GPBP1: variants seen among roughly 807,000 people sequenced by gnomAD.
GPBP1 encodes vasculin.
Under a neutral mutation model 56.5 loss-of-function variants are expected in GPBP1, and 13 were observed. That is an observed-to-expected ratio of 0.23 (90% CI 0.15 to 0.37). GPBP1 has a LOEUF of 0.37. Among genes scored for constraint, GPBP1 ranks in the 10% least tolerant of loss-of-function variants. The probability of loss-of-function intolerance (pLI) is 1.00; values close to 1 mark genes in which losing one functional copy is unlikely to be tolerated. For missense variants in GPBP1, 477 were observed against 572.3 expected (o/e 0.83, Z 1.70); for synonymous variants, 204 against 188.9 (o/e 1.08, Z -0.66).
chr5:57,219,423 A>AAC (rs1755852175), intron 3 of GPBP1, among the ~76,000 whole-genome samples: 3 of 142,142 alleles, frequency 2.1e-5, no homozygotes, highest in African/African-American at 5.8e-5. Flanking sequence ...AACAAACAAA[A>AAC]AAAAAAACAA....
intron 3 of GPBP1, among the ~76,000 whole-genome samples, chr5:57,215,594 ATC>A (rs1755667787): frequency 6.6e-6 from 1 of 152,154 alleles, no homozygotes; most frequent in African/African-American, 2.4e-5. Flanking sequence ...CTCCTTACGT[ATC>A]TCTTTCTCAG....
intron 2 of GPBP1, among the ~76,000 whole-genome samples, chr5:57,208,913 C>T (rs1049922959): frequency 6.6e-6 from 1 of 152,210 alleles, no homozygotes; most frequent in East Asian, 1.9e-4. Flanking sequence ...CCTGGGCCTC[C>T]CAAAGTGCTG....
chr5:57,257,284 C>G (rs916383373), intron 10 of GPBP1, among the ~76,000 whole-genome samples: 1 of 152,218 alleles, frequency 6.6e-6, no homozygotes, highest in Non-Finnish European at 1.5e-5. Flanking sequence ...GATCCACCGC[C>G]TTGGCCTCCC....
intron 2 of GPBP1, among the ~76,000 whole-genome samples, chr5:57,197,954 C>T (rs774166748): frequency 7.9e-5 from 12 of 151,920 alleles, no homozygotes; most frequent in African/African-American, 2.9e-4. Context: ...TGTCAATGTT[C>T]TAGGACCCTG....
At chr5:57,182,831 A>G (rs1040438503) in intron 2 of GPBP1, among the ~76,000 whole-genome samples, 5 of 151,990 alleles carry the variant, frequency 3.3e-5, no homozygotes, top group Admixed American at 6.6e-5. Flanking sequence ...CTATAGGCGC[A>G]TGTCACCATG....
At chr5:57,219,841 T>A (rs1198204253) in intron 3 of GPBP1, among the ~76,000 whole-genome samples, 1 of 151,906 alleles carries the variant, frequency 6.6e-6, no homozygotes, top group African/African-American at 2.4e-5. Context: ...TCACCTGAGG[T>A]TGGGAGTTCG....
rs548223586 is a variant in GPBP1 at position 57,252,884 on chromosome 5, CTT to C, written c.1160+1746_1160+1747del. Among the ~76,000 whole-genome samples the C allele has an allele frequency of 2.6e-3, 391 of 151,754 alleles. 1 individual carries two copies. The highest frequency in any genetic ancestry group is 4.5e-3 in the Non-Finnish European group (303 of 67,894). On this transcript the variant is annotated intron_variant, in intron 10 of 11. Coordinates refer to ENST00000506184, the MANE Select transcript of GPBP1 (RefSeq NM_022913.4). Reference sequence around the variant, plus strand: ...GCCACCATGCCTGGCTAATTTTTGTCTTTTAGTAGAGATGGGATTTCATCATG... The same window carrying C: ...GCCACCATGCCTGGCTAATTTTTGTCTTAGTAGAGATGGGATTTCATCATG...
intron 2 of GPBP1, among the ~76,000 whole-genome samples, chr5:57,202,774 T>C: frequency 6.6e-6 from 1 of 152,308 alleles, no homozygotes; most frequent in South Asian, 2.1e-4. Context: ...ATGCCCTCTC[T>C]TATGCCTTGT....
intron 11 of GPBP1, among the ~76,000 whole-genome samples, chr5:57,261,619 T>C (rs1382742236): frequency 6.6e-6 from 1 of 152,226 alleles, no homozygotes; most frequent in Non-Finnish European, 1.5e-5. Context: ...GTGTAAGTGA[T>C]GTCTATGGAT....
chr5:57,218,114 G>C (rs946251466), intron 3 of GPBP1, among the ~76,000 whole-genome samples: 2 of 151,770 alleles, frequency 1.3e-5, no homozygotes, highest in African/African-American at 4.8e-5. Flanking sequence ...TCTCAACACA[G>C]AACACTTCTA....
At chr5:57,235,847 C>A in intron 5 of GPBP1, 119 bp from the exon 6 acceptor site, 1 of 726,600 alleles carries the variant, frequency 1.4e-6, no homozygotes, top group Non-Finnish European at 2.3e-6. Context: ...TAGGGTTATT[C>A]AACCTGTAGC....
At chr5:57,232,942 T>A (rs1756521767) in intron 5 of GPBP1, among the ~76,000 whole-genome samples, 1 of 152,166 alleles carries the variant, frequency 6.6e-6, no homozygotes, top group East Asian at 1.9e-4. Flanking sequence ...TAAAGAGTAG[T>A]TTAGTATTAG....
In GPBP1 at chr5:57,243,770, C is replaced by T. The variant is rs190333365; in HGVS notation, c.479-2530C>T. The stretch of plus-strand genomic sequence containing the variant: ...TTGTGCCATCACAGCTCACTACAGC[C>T]TCAACCTGGGCTCAAGGGATTCTCC... On this transcript the variant is annotated intron_variant, in intron 6 of 11. Coordinates refer to ENST00000506184, the MANE Select transcript of GPBP1 (RefSeq NM_022913.4). 1.3e-3 allele frequency among the ~76,000 whole-genome samples: 204 copies of T among 151,896 alleles called. 1 individual carries two copies. Among genetic ancestry groups the T allele is most frequent in the Admixed American group, 3.3e-3 (50 of 15,218 alleles).
intron 6 of GPBP1, among the ~76,000 whole-genome samples, chr5:57,239,437 C>T (rs958409623): frequency 2.6e-5 from 4 of 152,164 alleles, no homozygotes; most frequent in African/African-American, 9.7e-5. Context: ...ACTCATTTGA[C>T]TAAAACTCAC....
At chr5:57,253,365 T>C (rs1479229989) in intron 10 of GPBP1, among the ~76,000 whole-genome samples, 2 of 152,248 alleles carry the variant, frequency 1.3e-5, no homozygotes, top group African/African-American at 2.4e-5. Flanking sequence ...AGCTTAGGGC[T>C]AAGTTACATT....
intron 9 of GPBP1, 73 bp downstream of exon 9, chr5:57,249,649 T>C (rs1026843426): frequency 3.4e-6 from 4 of 1,181,914 alleles, no homozygotes; most frequent in African/African-American, 1.6e-5. Flanking sequence ...TATTAGGACC[T>C]TGGAATACAT....
intron 2 of GPBP1, among the ~76,000 whole-genome samples, chr5:57,210,236 C>A (rs1032567224): frequency 6.6e-6 from 1 of 151,968 alleles, no homozygotes; most frequent in Non-Finnish European, 1.5e-5. Flanking sequence ...AAGATGTACA[C>A]TTAGGTTTTA....
chr5:57,195,242 A>G (rs1223535290), intron 2 of GPBP1, among the ~76,000 whole-genome samples: 3 of 151,994 alleles, frequency 2.0e-5, no homozygotes, highest in Non-Finnish European at 2.9e-5. Flanking sequence ...TGCAGCTTTG[A>G]TCTCCCGGGC....
At chr5:57,236,989 C>A in intron 6 of GPBP1, 1 of 620,796 alleles carries the variant, frequency 1.6e-6, no homozygotes, top group Admixed American at 3.3e-5. Flanking sequence ...TTCTTTTGAT[C>A]TTCCTCTTTA....
Sources: allele counts gnomAD v4.1 joint callset (sites outside exome capture counted in the v4.1 genomes callset), GRCh38; gene constraint gnomAD v4.1.1; transcripts MANE v1.5; gene names NCBI Gene and HGNC (gene_info 2026-07-23, HGNC 2026-07-21).